Variants in KIF3C observed in about 807,000 individuals in gnomAD.
The protein encoded by KIF3C is kinesin-like protein KIF3C.
In KIF3C, 12 loss-of-function variants were observed where a neutral mutation model predicts 67.7. The observed-to-expected ratio is 0.18, with a 90% CI of 0.11 to 0.29. The LOEUF is 0.29. Among genes scored for constraint, KIF3C ranks in the 10% least tolerant of loss-of-function variants. The pLI, the probability that KIF3C is intolerant of heterozygous loss-of-function variation, is 1.00. For missense variants in KIF3C, 789 were observed against 1,059.6 expected (o/e 0.74, Z 3.55); for synonymous variants, 393 against 426.2 (o/e 0.92, Z 0.96).
At chr2:25,930,139 TC>T in intron 5 of KIF3C, 76 bp from the exon 6 acceptor site, 8 of 1,164,768 alleles carry the variant, frequency 6.9e-6, no homozygotes, top group Non-Finnish European at 1.0e-5. Context: ...GACCTAAATA[TC>T]ATTCAGGTAG....
In KIF3C at chr2:25,951,971, G is replaced by C. The variant is rs1170846600; in HGVS notation, c.1890-66C>G. 30 of 1,110,914 alleles carry C rather than the reference G, an allele frequency of 2.7e-5. No individual in the cohort carries two copies. The Admixed American group carries it at 4.8e-4, about 18-fold the overall frequency. 68.8% of individuals were successfully genotyped at this position (1,110,914 alleles called of 1,614,324 possible). On this transcript the variant is annotated intron_variant, in intron 4 of 7. Coordinates refer to ENST00000264712, the MANE Select transcript of KIF3C (RefSeq NM_002254.8). ...CGAGAGACCACGTGGTGCATGTGAG[G>C]GTTGAAGGATTAGAAGCAACAAGCC...
intron 5 of KIF3C, among the ~76,000 whole-genome samples, chr2:25,939,368 G>C (rs776912151): frequency 6.6e-6 from 1 of 151,964 alleles, no homozygotes; most frequent in Non-Finnish European, 1.5e-5. Flanking sequence ...TTTCCTCTTC[G>C]ATCTGGCTGC....
At chr2:25,944,188 C>T (rs921416660) in intron 5 of KIF3C, among the ~76,000 whole-genome samples, 2 of 151,980 alleles carry the variant, frequency 1.3e-5, no homozygotes, top group African/African-American at 4.8e-5. Flanking sequence ...GCTGGGATTA[C>T]AGGTGTGATC....
intron 1 of KIF3C, among the ~76,000 whole-genome samples, chr2:25,977,844 G>A (rs1664455634): frequency 6.6e-6 from 1 of 152,144 alleles, no homozygotes; most frequent in Non-Finnish European, 1.5e-5. Context: ...GTGCCTTGGG[G>A]CTATGGGGAA....
At chr2:25,930,139 TCA>T in intron 5 of KIF3C, 76 bp from the exon 6 acceptor site, 1 of 1,164,814 alleles carries the variant, frequency 8.6e-7, no homozygotes, top group Non-Finnish European at 1.3e-6. Flanking sequence ...GACCTAAATA[TCA>T]TTCAGGTAGC....
chr2:25,959,410 C>A (rs1431137159), intron 1 of KIF3C, among the ~76,000 whole-genome samples: 1 of 152,116 alleles, frequency 6.6e-6, no homozygotes, highest in Admixed American at 6.6e-5. Flanking sequence ...GTGCTCAATA[C>A]GTATTTGATG....
intron 5 of KIF3C, 86 bp from the exon 6 acceptor site, chr2:25,930,149 A>G: frequency 1.9e-6 from 2 of 1,051,520 alleles, no homozygotes; most frequent in Non-Finnish European, 3.0e-6. Context: ...TCATTCAGGT[A>G]GCTAGGAGGC....
intron 5 of KIF3C, among the ~76,000 whole-genome samples, chr2:25,945,689 G>C (rs1574483352): frequency 1.3e-5 from 2 of 151,452 alleles, no homozygotes; most frequent in South Asian, 4.2e-4. Context: ...AGGAGTTCAA[G>C]ACCAGCCCAG....
At chr2:25,929,614 C>CT in intron 6 of KIF3C, 137 bp from the exon 7 acceptor site, 1 of 663,042 alleles carries the variant, frequency 1.5e-6, no homozygotes. Context: ...CTCCCATAGG[C>CT]TCTTTTTTTT....
chr2:25,970,965 GAAAAAA>G (rs970182694), intron 1 of KIF3C, among the ~76,000 whole-genome samples: 1 of 49,326 alleles, frequency 2.0e-5, no homozygotes, highest in Non-Finnish European at 3.7e-5. Context: ...CTCTATGAAG[GAAAAAA>G]AAAAAAAAAA....
chr2:25,972,445 G>A (rs939259476), intron 1 of KIF3C, among the ~76,000 whole-genome samples: 8 of 152,122 alleles, frequency 5.3e-5, no homozygotes, highest in African/African-American at 1.4e-4. Flanking sequence ...CACCCACCAG[G>A]GATGAGAAGG....
intron 1 of KIF3C, among the ~76,000 whole-genome samples, chr2:25,970,297 C>T (rs1048902275): frequency 7.2e-5 from 11 of 152,168 alleles, no homozygotes; most frequent in African/African-American, 2.4e-4. Context: ...CTTAATGTGC[C>T]TCAGTATCCT....
chr2:25,942,436 G>C (rs945690809), intron 5 of KIF3C, among the ~76,000 whole-genome samples: 3 of 151,110 alleles, frequency 2.0e-5, no homozygotes, highest in Admixed American at 6.6e-5. Flanking sequence ...TTGAGATGGA[G>C]TTTCACTCTT....
chr2:25,940,171 C>T (rs544831221), intron 5 of KIF3C, among the ~76,000 whole-genome samples: 1 of 152,272 alleles, frequency 6.6e-6, no homozygotes, highest in African/African-American at 2.4e-5. Flanking sequence ...CAGGCACAGG[C>T]CTGGAACCTT....
At chr2:25,977,265 G>A (rs541026513) in intron 1 of KIF3C, among the ~76,000 whole-genome samples, 1 of 152,290 alleles carries the variant, frequency 6.6e-6, no homozygotes, top group African/African-American at 2.4e-5. Context: ...CAGGCAGGGA[G>A]AGCTGGCGAG....
chr2:25,955,246 TG>T lies in KIF3C; in HGVS notation c.1770+294del, dbSNP rs1559553339. On this transcript the variant is annotated intron_variant, in intron 3 of 7. Coordinates refer to ENST00000264712, the MANE Select transcript of KIF3C (RefSeq NM_002254.8). This position sits in a 1 kb window ranked among gnomAD's most constrained non-coding sequence, Gnocchi z 5.0. ...CCCAGCTATCCCAACTGTGACTCACTGGTGACACTGAACGGGGTAATCACCC... is the reference window on the plus strand; with the variant it reads ...CCCAGCTATCCCAACTGTGACTCACTGTGACACTGAACGGGGTAATCACCC... Among the ~76,000 whole-genome samples, 1 of 152,126 alleles carries T rather than the reference TG, an allele frequency of 6.6e-6. No homozygotes were observed. Among genetic ancestry groups the T allele is most frequent in the Non-Finnish European group, 1.5e-5 (1 of 68,016 alleles).
intron 1 of KIF3C, among the ~76,000 whole-genome samples, chr2:25,963,363 C>T (rs1020979030): frequency 1.3e-4 from 19 of 149,430 alleles, no homozygotes; most frequent in Non-Finnish European, 1.8e-4. Flanking sequence ...CCCACCACCA[C>T]GCCTGGCTAA....
chr2:25,952,500 T>C (rs568955719), intron 4 of KIF3C, among the ~76,000 whole-genome samples: 11 of 151,516 alleles, frequency 7.3e-5, no homozygotes, highest in South Asian at 2.1e-4. Context: ...AGGGTGACTA[T>C]AGTCAATAAC....
At position 25,942,689 on chromosome 2, in the gene KIF3C, C is replaced by T. The variant is rs149297978; in HGVS notation, c.2006+9100G>A. Among the ~76,000 whole-genome samples the T allele has an allele frequency of 1.5e-3, 228 of 152,200 alleles. 1 individual carries two copies. In the East Asian group the frequency reaches 0.016, roughly 11 times the overall value. On this transcript the variant is annotated intron_variant, in intron 5 of 7. Transcript: ENST00000264712. ...CCTCCCAAAGTGCTGGGATTACAGG[C>T]GTGAGCCACCGCGCCAGTGCAAAAA... is the stretch of plus-strand genomic sequence containing the variant.
Sources: allele counts gnomAD v4.1 joint callset (sites outside exome capture counted in the v4.1 genomes callset), GRCh38; gene constraint gnomAD v4.1.1; non-coding constraint Gnocchi (gnomAD v3.1); transcripts MANE v1.5; gene names NCBI Gene and HGNC (gene_info 2026-07-23, HGNC 2026-07-21).